The following METTL6 variants were observed in gnomAD, a reference collection of about 807,000 sequenced individuals.
METTL6 encodes tRNA N(3)-cytidine methyltransferase METTL6.
Under a neutral mutation model 26.4 loss-of-function variants are expected in METTL6, and 22 were observed. The observed-to-expected ratio is 0.83, with a 90% CI of 0.59 to 1.19. The LOEUF (loss-of-function observed/expected upper bound fraction) is 1.19, where lower values mean the gene tolerates loss of function less well. METTL6 is among the 50% of genes most tolerant of loss of function. The probability of loss-of-function intolerance (pLI) is 0.00; values close to 1 mark genes in which losing one functional copy is unlikely to be tolerated. For synonymous variants in METTL6, 109 were observed against 116.2 expected (o/e 0.94, Z 0.40); for missense variants, 304 against 324.8 (o/e 0.94, Z 0.49).
At chr3:15,406,619 TATATATATATAGAGAGAGAGAGAG>T (rs1302198857), downstream of METTL6, among the ~76,000 whole-genome samples, 22 of 43,468 alleles carry the variant, frequency 5.1e-4, no homozygotes, top group African/African-American at 2.0e-3. Flanking sequence ...TATATATATA[TATATATATATAGAGAGAGAGAGAG>T]AGAGAGAGAG....
At chr3:15,409,683 C>G (rs2124956577), downstream of METTL6, among the ~76,000 whole-genome samples, 1 of 152,086 alleles carries the variant, frequency 6.6e-6, no homozygotes, top group East Asian at 1.9e-4. Flanking sequence ...TTCCCTCTCT[C>G]CCCCCCAGGG....
At chr3:15,423,994 C>A (rs1420027188) in intron 3 of METTL6, among the ~76,000 whole-genome samples, 2 of 151,980 alleles carry the variant, frequency 1.3e-5, no homozygotes, top group African/African-American at 4.8e-5. Context: ...ATCACCTGAG[C>A]CCAGGAGTTT....
chr3:15,381,951 C>T (rs1367425722), exon 7 of METTL6: 1 of 151,926 alleles, frequency 6.6e-6, no homozygotes, highest in Admixed American at 6.6e-5. Flanking sequence ...GGATACAAGT[C>T]GAAGTAGCTT....
chr3:15,423,284 TTGG>T (rs2125036164), intron 3 of METTL6, among the ~76,000 whole-genome samples: 1 of 152,222 alleles, frequency 6.6e-6, no homozygotes, highest in South Asian at 2.1e-4. Flanking sequence ...TCCCAGCTAC[TTGG>T]AAGGCTGAGG....
chr3:15,408,215 C>A (rs532331375), downstream of METTL6, among the ~76,000 whole-genome samples: 1 of 152,098 alleles, frequency 6.6e-6, no homozygotes, highest in Non-Finnish European at 1.5e-5. Context: ...GTGACTGGAA[C>A]GAGACACAGG....
At chr3:15,405,423 A>C (rs57685590), downstream of METTL6, among the ~76,000 whole-genome samples, 3,045 of 152,328 alleles carry the variant, frequency 0.02, 87 homozygotes, top group African/African-American at 0.067. Flanking sequence ...ATTTGTAATA[A>C]ATATTTTCTA....
At position 15,425,090 on chromosome 3, in the gene METTL6, C is replaced by T; in HGVS notation, c.226-1G>A. 6.2e-7 allele frequency: 1 copy of T among 1,614,020 alleles called. No homozygotes were observed. The highest frequency in any genetic ancestry group is 8.5e-7 in the Non-Finnish European group (1 of 1,179,982). On this transcript the variant is annotated splice_acceptor_variant, in intron 2 of 5. Transcript: ENST00000383790. LOFTEE classifies it high-confidence loss of function. ...GCATTGTTAACTTTTGATCTTCAAA[C>T]TGGGGAAAGACAGCTCAAAGTTATA...
At chr3:15,381,838 C>G (rs904999886) in exon 7 of METTL6, 2 of 151,964 alleles carry the variant, frequency 1.3e-5, no homozygotes, top group Non-Finnish European at 2.9e-5. Flanking sequence ...GTGAAGAAGT[C>G]CTTGAATATG....
chr3:15,413,946 C>T, intron 5 of METTL6, 75 bp downstream of exon 5: 1 of 1,604,810 alleles, frequency 6.2e-7, no homozygotes, highest in Middle Eastern at 1.7e-4. Flanking sequence ...TCCAAGCAGC[C>T]TTGCAGTGAT....
At chr3:15,408,562 C>CTTTTTT (rs57787117), downstream of METTL6, among the ~76,000 whole-genome samples, 24 of 116,220 alleles carry the variant, frequency 2.1e-4, 2 homozygotes, top group African/African-American at 3.3e-4. Flanking sequence ...GCTCCTTGCT[C>CTTTTTT]TTTTTTTTTT....
chr3:15,395,901 G>A (rs1262242564), intron 6 of METTL6, among the ~76,000 whole-genome samples: 2 of 152,166 alleles, frequency 1.3e-5, no homozygotes, highest in South Asian at 2.1e-4. Context: ...TGAGTAATCC[G>A]ATCTTTCTCT....
At chr3:15,409,508 C>G (rs1421800962), downstream of METTL6, among the ~76,000 whole-genome samples, 1 of 152,228 alleles carries the variant, frequency 6.6e-6, no homozygotes, top group East Asian at 1.9e-4. Flanking sequence ...TTGGACTCAT[C>G]ATTTACCCCT....
At chr3:15,381,832 A>G (rs1699088019) in exon 7 of METTL6, 1 of 152,182 alleles carries the variant, frequency 6.6e-6, no homozygotes. Context: ...ATCTTTGTGA[A>G]GAAGTCCTTG....
At chr3:15,423,077 G>C (rs114859429) in intron 3 of METTL6, among the ~76,000 whole-genome samples, 108 of 152,246 alleles carry the variant, frequency 7.1e-4, no homozygotes, top group African/African-American at 2.5e-3. Flanking sequence ...GTAGGGCAAG[G>C]GTATTTTAGG....
At chr3:15,404,489 C>A (rs559486823) in intron 6 of METTL6, among the ~76,000 whole-genome samples, 2 of 149,986 alleles carry the variant, frequency 1.3e-5, no homozygotes. Context: ...ATTACAGATG[C>A]GCACCATCAT....
intron 6 of METTL6, among the ~76,000 whole-genome samples, chr3:15,393,993 A>G (rs1249983426): frequency 6.6e-6 from 1 of 152,224 alleles, no homozygotes; most frequent in Non-Finnish European, 1.5e-5. Context: ...CTTTGGTATC[A>G]GGATGATGCT....
intron 6 of METTL6, among the ~76,000 whole-genome samples, chr3:15,388,789 G>A (rs1388376004): frequency 2.6e-5 from 4 of 152,188 alleles, no homozygotes; most frequent in African/African-American, 9.7e-5. Flanking sequence ...AAGGGCTGTT[G>A]CCATCTTTGT....
chr3:15,389,332 G>A (rs758165285), intron 6 of METTL6, among the ~76,000 whole-genome samples: 8 of 152,166 alleles, frequency 5.3e-5, no homozygotes, highest in East Asian at 1.9e-4. Context: ...TTAATTCCTT[G>A]CTCTTCTTTT....
chr3:15,426,727 C>CA (rs1008650785), intron 1 of METTL6, 92 bp from the exon 2 acceptor site: 740 of 556,422 alleles, frequency 1.3e-3, no homozygotes, highest in South Asian at 1.5e-3. Flanking sequence ...GCAGACTGTA[C>CA]AAAAAAAAAT....
Sources: gnomAD v4.1 joint callset for allele counts (sites outside exome capture counted in the v4.1 genomes callset) on GRCh38, gnomAD v4.1.1 for gene constraint, MANE v1.5 for transcripts, NCBI Gene and HGNC (gene_info 2026-07-23, HGNC 2026-07-21) for gene names.